Variants in MYO1D observed in about 807,000 individuals in gnomAD.
The protein encoded by MYO1D is unconventional myosin-Id.
A neutral mutation model predicts 122.0 loss-of-function variants in MYO1D; 83 were observed. That is an observed-to-expected ratio of 0.68 (90% CI 0.57 to 0.82). The LOEUF is 0.82. MYO1D is among the 40% of genes least tolerant of loss of function. MYO1D has a pLI of 0.00. For missense variants in MYO1D, 1,157 were observed against 1,269.5 expected (o/e 0.91, Z 1.35); for synonymous variants, 464 against 446.9 (o/e 1.04, Z -0.48).
intron 21 of MYO1D, among the ~76,000 whole-genome samples, chr17:32,503,849 A>G (rs1374810626): frequency 6.6e-6 from 1 of 152,176 alleles, no homozygotes; most frequent in Non-Finnish European, 1.5e-5. Flanking sequence ...CAAGAAGTAA[A>G]TCCCCCTGCT....
intron 21 of MYO1D, among the ~76,000 whole-genome samples, chr17:32,569,085 G>A (rs2087200049): frequency 6.6e-6 from 1 of 152,190 alleles, no homozygotes; most frequent in South Asian, 2.1e-4. Context: ...ATAATCTGGT[G>A]CCTTTTAAAT....
At chr17:32,876,628 C>G in intron 1 of MYO1D, 150 bp downstream of exon 1, 2 of 567,406 alleles carry the variant, frequency 3.5e-6, no homozygotes, top group Non-Finnish European at 5.7e-6. Flanking sequence ...AGCCGCGGAG[C>G]TTGGCAGACC....
chr17:32,634,795 T>C (rs2088074942), intron 20 of MYO1D, among the ~76,000 whole-genome samples: 1 of 152,152 alleles, frequency 6.6e-6, no homozygotes. Context: ...TCCAAGGACC[T>C]AGGATGCCTG....
At chr17:32,513,871 C>G (rs1455211262) in intron 21 of MYO1D, among the ~76,000 whole-genome samples, 1 of 151,002 alleles carries the variant, frequency 6.6e-6, no homozygotes, top group Non-Finnish European at 1.5e-5. Context: ...TGCTCTGTTG[C>G]CCAGGCTGGA....
chr17:32,769,025 C>A (rs1210230626), intron 6 of MYO1D, among the ~76,000 whole-genome samples: 2 of 152,188 alleles, frequency 1.3e-5, no homozygotes, highest in Non-Finnish European at 2.9e-5. Context: ...CTGGCATCTA[C>A]CTAGCCTCAA....
intron 1 of MYO1D, among the ~76,000 whole-genome samples, chr17:32,787,301 T>G (rs976306483): frequency 1.3e-5 from 2 of 152,194 alleles, no homozygotes; most frequent in Admixed American, 1.3e-4. Flanking sequence ...TTTTTTTACC[T>G]CAATAGTTTT....
chr17:32,643,760 G>T (rs1272872688), intron 19 of MYO1D, among the ~76,000 whole-genome samples: 2 of 151,712 alleles, frequency 1.3e-5, no homozygotes, highest in Non-Finnish European at 2.9e-5. Flanking sequence ...TGGGATCGGT[G>T]GTGATATCCC....
chr17:32,863,857 G>C (rs2091098858), intron 1 of MYO1D, among the ~76,000 whole-genome samples: 1 of 152,092 alleles, frequency 6.6e-6, no homozygotes, highest in Non-Finnish European at 1.5e-5. Flanking sequence ...AGCCATTAAA[G>C]GCTCAGAGAA....
chr17:32,585,512 C>T (rs1193186904), intron 21 of MYO1D, among the ~76,000 whole-genome samples: 6 of 152,030 alleles, frequency 3.9e-5, no homozygotes, highest in South Asian at 2.1e-4. Flanking sequence ...GGAGGATCAC[C>T]TGAGGTCAGG....
chr17:32,875,805 A>G (rs981161646), intron 1 of MYO1D, among the ~76,000 whole-genome samples: 1 of 152,258 alleles, frequency 6.6e-6, no homozygotes, highest in Non-Finnish European at 1.5e-5. Context: ...ATGTTTAGCT[A>G]TAAACCTTAG....
At chr17:32,517,749 TTCCCC>T (rs1909945051) in intron 21 of MYO1D, among the ~76,000 whole-genome samples, 4 of 152,232 alleles carry the variant, frequency 2.6e-5, no homozygotes, top group Admixed American at 2.6e-4. Flanking sequence ...CATGATAGGA[TTCCCC>T]TTACATACAA....
chr17:32,741,181 T>C (rs2089767930), intron 13 of MYO1D, among the ~76,000 whole-genome samples: 2 of 145,286 alleles, frequency 1.4e-5, no homozygotes, highest in South Asian at 2.1e-4. Flanking sequence ...TGAGCTATGA[T>C]CACATCACTG....
chr17:32,743,868 T>A (rs941349198), intron 13 of MYO1D, among the ~76,000 whole-genome samples: 1 of 151,708 alleles, frequency 6.6e-6, no homozygotes, highest in Non-Finnish European at 1.5e-5. Flanking sequence ...TCTGCCCGCC[T>A]CAGGCTCCCA....
chr17:32,712,181 G>C lies in MYO1D; in HGVS notation c.1928C>G (p.Ser643Cys), dbSNP rs200525387. 1 of 1,613,168 alleles carries C rather than the reference G, an allele frequency of 6.2e-7. No individual in the cohort carries two copies. Among genetic ancestry groups the C allele is most frequent in the Non-Finnish European group, 8.5e-7 (1 of 1,179,384 alleles). Residue 643 changes from serine to cysteine, a missense_variant, in exon 16 of 22, where the codon TCT becomes TGT. Ser to Cys is a moderately radical substitution (Grantham distance 112, BLOSUM62 -1). Transcript: ENST00000318217. ...EKFLHRYKMISEFTWPNHDLP... is the reference protein window; with the variant it reads ...EKFLHRYKMICEFTWPNHDLP... The stretch of plus-strand genomic sequence containing the variant: ...GTCATGGTTGGGCCAGGTGAATTCA[G>C]AGATCATCTTATACCTGGATGAAAA...
intron 1 of MYO1D, among the ~76,000 whole-genome samples, chr17:32,869,607 T>A (rs1453123591): frequency 6.6e-6 from 1 of 152,230 alleles, no homozygotes; most frequent in Non-Finnish European, 1.5e-5. Context: ...TTTGCTTAGC[T>A]GACTCACACT....
chr17:32,572,192 G>A (rs958890346), intron 21 of MYO1D, among the ~76,000 whole-genome samples: 25 of 139,892 alleles, frequency 1.8e-4, no homozygotes, highest in Admixed American at 1.7e-3. Context: ...CTAAGGTGCT[G>A]ATGCCAGTAT....
At chr17:32,705,143 A>AT (rs3079903) in intron 16 of MYO1D, among the ~76,000 whole-genome samples, 9 of 150,682 alleles carry the variant, frequency 6.0e-5, no homozygotes, top group South Asian at 2.1e-4. Flanking sequence ...ACTCATACAG[A>AT]TTTTTTTTTT....
intron 21 of MYO1D, among the ~76,000 whole-genome samples, chr17:32,520,372 G>T (rs1290293842): frequency 6.6e-6 from 1 of 152,224 alleles, no homozygotes; most frequent in Non-Finnish European, 1.5e-5. Flanking sequence ...CTGTTAGCAC[G>T]AATGCCTTGC....
At chr17:32,509,194 A>C (rs984127075) in intron 21 of MYO1D, among the ~76,000 whole-genome samples, 3 of 152,174 alleles carry the variant, frequency 2.0e-5, no homozygotes, top group African/African-American at 7.2e-5. Context: ...GCTCCGTGTA[A>C]GGGGCTGTTT....
Sources: gnomAD v4.1 joint callset for allele counts (sites outside exome capture counted in the v4.1 genomes callset) on GRCh38, gnomAD v4.1.1 for gene constraint, MANE v1.5 for transcripts, NCBI Gene and HGNC (gene_info 2026-07-23, HGNC 2026-07-21) for gene names.